ACTN2: variants seen among roughly 807,000 people sequenced by gnomAD.
The protein encoded by ACTN2 is alpha-actinin-2.
In ACTN2, 39 loss-of-function variants were observed where a neutral mutation model predicts 113.8. That is an observed-to-expected ratio of 0.34 (90% confidence interval 0.27 to 0.45). The LOEUF is 0.45. ACTN2 is among the 20% of genes least tolerant of loss of function. ACTN2 has a pLI of 1.00. For missense variants in ACTN2, 992 were observed against 1,177.9 expected (o/e 0.84, Z 2.31); for synonymous variants, 429 against 444.1 (o/e 0.97, Z 0.43).
chr1:236,753,949 GAAGCA>G lies in ACTN2; in HGVS notation c.1844_1848del (p.Lys615ThrfsTer19). ...TTGTTGTCCTTGGGCCCTGACAGGT[GAAGCA>G]ACTCGTGCCCATCCGCGATCAATCC... On this transcript the variant is annotated frameshift_variant, in exon 16 of 21. Transcript: ENST00000366578. LOFTEE classifies it high-confidence loss of function. 6.2e-7 allele frequency: 1 copy of G among 1,612,612 alleles called. No individual in the cohort carries two copies. Among genetic ancestry groups the G allele is most frequent in the Non-Finnish European group, 8.5e-7 (1 of 1,179,256 alleles).
At chr1:236,695,071 T>A (rs975202477) in intron 1 of ACTN2, among the ~76,000 whole-genome samples, 4 of 150,450 alleles carry the variant, frequency 2.7e-5, no homozygotes, top group African/African-American at 9.8e-5. Context: ...AAGCTTTTCG[T>A]TAAAAAATGT....
At chr1:236,692,064 T>C (rs1014000206) in intron 1 of ACTN2, among the ~76,000 whole-genome samples, 10 of 152,214 alleles carry the variant, frequency 6.6e-5, no homozygotes, top group Admixed American at 2.0e-4. Flanking sequence ...GTTGGTGAGA[T>C]AAATCTGAGT....
Position 236,760,998 on chromosome 1 carries a change from T to C in ACTN2, c.2368-17T>C, listed in dbSNP as rs78961574. 4,785 of 1,614,192 alleles carry C rather than the reference T, an allele frequency of 3.0e-3. 190 individuals are homozygous for C. In the East Asian group the frequency reaches 0.08, roughly 27 times the overall value. Reference sequence around the variant, plus strand: ...GTGTACCGTTCGTGTACATGTTTCTTTGCCACTTTGCCCCAGGGTGAAGCC... The same window carrying C: ...GTGTACCGTTCGTGTACATGTTTCTCTGCCACTTTGCCCCAGGGTGAAGCC... On this transcript the variant is annotated splice_polypyrimidine_tract_variant and intron_variant, in intron 19 of 20. Transcript: ENST00000366578.
At chr1:236,696,135 C>T (rs1012149700) in intron 1 of ACTN2, among the ~76,000 whole-genome samples, 15 of 151,774 alleles carry the variant, frequency 9.9e-5, no homozygotes, top group African/African-American at 3.6e-4. Context: ...GGTGAAACCC[C>T]ATCTCTATTA....
intron 11 of ACTN2, among the ~76,000 whole-genome samples, chr1:236,743,812 C>A (rs1390912573): frequency 6.6e-6 from 1 of 152,094 alleles, no homozygotes; most frequent in Non-Finnish European, 1.5e-5. Context: ...CTGTGTGCCC[C>A]GGATGAATTC....
At chr1:236,761,558 C>T (rs1659710831) in intron 20 of ACTN2, among the ~76,000 whole-genome samples, 1 of 152,060 alleles carries the variant, frequency 6.6e-6, no homozygotes. Context: ...AAAACTGGTA[C>T]CTTCTCCTAA....
At chr1:236,705,142 G>C (rs1197521008) in intron 1 of ACTN2, among the ~76,000 whole-genome samples, 1 of 151,884 alleles carries the variant, frequency 6.6e-6, no homozygotes, top group African/African-American at 2.4e-5. Flanking sequence ...CTGTAACAAG[G>C]GCTATGAGAG....
At chr1:236,757,908 AG>A (rs1359549768) in intron 18 of ACTN2, among the ~76,000 whole-genome samples, 2 of 152,232 alleles carry the variant, frequency 1.3e-5, no homozygotes, top group African/African-American at 4.8e-5. Flanking sequence ...TCTAAGTCAA[AG>A]TGTATTCTTC....
At chr1:236,728,589 C>T (rs1428503352) in intron 6 of ACTN2, among the ~76,000 whole-genome samples, 1 of 151,892 alleles carries the variant, frequency 6.6e-6, no homozygotes, top group East Asian at 1.9e-4. Context: ...TCATTTGTAG[C>T]CTTGCATAAG....
In ACTN2 at chr1:236,726,243, G is replaced by A. The variant is rs77599478; in HGVS notation, c.536+223G>A. ...ACAGCACTGTATTTGTAAGTGAATGGTATTGCAGTACCAGAAGGATGCTAC... is the reference window on the plus strand; with the variant it reads ...ACAGCACTGTATTTGTAAGTGAATGATATTGCAGTACCAGAAGGATGCTAC... On this transcript the variant is annotated intron_variant, in intron 5 of 20. Coordinates refer to ENST00000366578, the MANE Select transcript of ACTN2 (RefSeq NM_001103.4). 0.01 allele frequency among the ~76,000 whole-genome samples: 1,564 copies of A among 152,296 alleles called. 26 individuals are homozygous for A. The highest frequency in any genetic ancestry group is 0.036 in the African/African-American group (1,478 of 41,558).
At chr1:236,745,979 C>T (rs141236994) in intron 12 of ACTN2, among the ~76,000 whole-genome samples, 222 of 151,712 alleles carry the variant, frequency 1.5e-3, no homozygotes, top group Admixed American at 2.5e-3. Context: ...CTGGCTAACA[C>T]GGTGAAACCC....
chr1:236,696,872 G>C (rs1016652758), intron 1 of ACTN2, among the ~76,000 whole-genome samples: 1 of 152,110 alleles, frequency 6.6e-6, no homozygotes, highest in Admixed American at 6.5e-5. Context: ...CACCATGTTA[G>C]CCAGGATGGT....
At chr1:236,732,339 T>G (rs1338402581) in intron 7 of ACTN2, among the ~76,000 whole-genome samples, 1 of 152,224 alleles carries the variant, frequency 6.6e-6, no homozygotes, top group African/African-American at 2.4e-5. Context: ...CCCCAGACAT[T>G]CTTTGGATTG....
chr1:236,742,271 C>T (rs547453665), intron 10 of ACTN2, among the ~76,000 whole-genome samples: 163 of 128,136 alleles, frequency 1.3e-3, no homozygotes, highest in African/African-American at 3.8e-3. Flanking sequence ...CCCCCAACCA[C>T]CATGGAAGCT....
intron 1 of ACTN2, among the ~76,000 whole-genome samples, chr1:236,695,619 T>C (rs1657475106): frequency 8.5e-6 from 1 of 117,194 alleles, no homozygotes; most frequent in Admixed American, 1.2e-4. Flanking sequence ...AAATTCCAAG[T>C]TCATTTATGA....
intron 10 of ACTN2, 85 bp from the exon 11 acceptor site, chr1:236,742,811 G>A: frequency 6.6e-7 from 1 of 1,520,060 alleles, no homozygotes; most frequent in East Asian, 2.3e-5. Context: ...TGTAGTGGAG[G>A]GATTTATAGA....
At chr1:236,755,294 C>G in intron 17 of ACTN2, 96 bp downstream of exon 17, 1 of 1,387,296 alleles carries the variant, frequency 7.2e-7, no homozygotes, top group Non-Finnish European at 1.0e-6. Context: ...TTCTTTGTTC[C>G]TGTTAAGACC....
At chr1:236,744,369 C>G (rs1342488019) in intron 11 of ACTN2, among the ~76,000 whole-genome samples, 1 of 152,122 alleles carries the variant, frequency 6.6e-6, no homozygotes, top group African/African-American at 2.4e-5. Flanking sequence ...TGGTTTTTTT[C>G]TAAAAACGCA....
At chr1:236,709,341 C>CAT (rs1553298638) in intron 1 of ACTN2, among the ~76,000 whole-genome samples, 1 of 105,370 alleles carries the variant, frequency 9.5e-6, no homozygotes, top group African/African-American at 4.3e-5. Context: ...TATATATATA[C>CAT]GTGTATATAT....
Sources: gnomAD v4.1 joint callset for allele counts (sites outside exome capture counted in the v4.1 genomes callset) on GRCh38, gnomAD v4.1.1 for gene constraint, MANE v1.5 for transcripts, NCBI Gene and HGNC (gene_info 2026-07-23, HGNC 2026-07-21) for gene names.